The following FRMPD4 variants were observed in gnomAD, a reference collection of about 807,000 sequenced individuals.
FRMPD4 encodes the protein FERM and PDZ domain-containing protein 4.
Under a neutral mutation model 94.1 loss-of-function variants are expected in FRMPD4, and 22 were observed. That is an observed-to-expected ratio of 0.23 (90% confidence interval 0.17 to 0.33). The LOEUF (loss-of-function observed/expected upper bound fraction) is 0.33, where lower values mean the gene tolerates loss of function less well. Among genes scored for constraint, FRMPD4 ranks in the 10% least tolerant of loss-of-function variants. The pLI, the probability that FRMPD4 is intolerant of heterozygous loss-of-function variation, is 1.00. For missense variants in FRMPD4, 1,111 were observed against 1,339.9 expected (o/e 0.83, Z 2.67); for synonymous variants, 631 against 548.6 (o/e 1.15, Z -2.10).
At chrX:12,522,965 T>C (rs1253117951) in intron 2 of FRMPD4, among the ~76,000 whole-genome samples, 2 of 112,162 alleles carry the variant, frequency 1.8e-5, no homozygotes, top group East Asian at 2.8e-4. Context: ...TAAGCCCTCA[T>C]TGTGAGGCCC....
intron 1 of FRMPD4, among the ~76,000 whole-genome samples, chrX:12,285,235 A>C (rs1206764488): frequency 8.9e-6 from 1 of 111,885 alleles, no homozygotes; most frequent in African/African-American, 3.3e-5. Flanking sequence ...AAGGCCATTC[A>C]TGAAGTTAGA....
chrX:12,486,652 A>G (rs1213299259), intron 1 of FRMPD4, among the ~76,000 whole-genome samples: 1 of 112,662 alleles, frequency 8.9e-6, no homozygotes. Flanking sequence ...TCATTATTCC[A>G]TGATATAGAA....
chrX:12,173,782 C>T (rs772788762), intron 1 of FRMPD4, among the ~76,000 whole-genome samples: 43 of 111,353 alleles, frequency 3.9e-4, no homozygotes, highest in Middle Eastern at 4.6e-3. Flanking sequence ...TTGCTGACAG[C>T]CTGCTCTCCT....
intron 1 of FRMPD4, among the ~76,000 whole-genome samples, chrX:12,306,762 G>T (rs941239684): frequency 8.9e-6 from 1 of 112,163 alleles, no homozygotes; most frequent in Non-Finnish European, 1.9e-5. Context: ...AGTTTTCCAG[G>T]TAATTATTAT....
At chrX:11,961,831 C>T (rs1327992170) in intron 3 of FRMPD4, among the ~76,000 whole-genome samples, 2 of 111,751 alleles carry the variant, frequency 1.8e-5, no homozygotes. Flanking sequence ...GATTAGAGTA[C>T]TCCTTTTCAT....
chrX:12,306,693 A>G (rs67324212), intron 1 of FRMPD4, among the ~76,000 whole-genome samples: 17,843 of 111,629 alleles, frequency 0.16, 1,173 homozygotes, highest in Non-Finnish European at 0.2. Context: ...CCTTAAGAAC[A>G]TGGCACAAGT....
At chrX:12,233,160 G>A (rs1321388882) in intron 1 of FRMPD4, among the ~76,000 whole-genome samples, 2 of 111,572 alleles carry the variant, frequency 1.8e-5, no homozygotes, top group Admixed American at 1.9e-4. Context: ...ATTGACATGA[G>A]GATGTGACCC....
At chrX:12,561,897 T>A (rs1372677848) in intron 2 of FRMPD4, among the ~76,000 whole-genome samples, 2 of 112,359 alleles carry the variant, frequency 1.8e-5, no homozygotes, top group Non-Finnish European at 3.8e-5. Flanking sequence ...GACAATTAGA[T>A]GTTAGGCAGC....
intron 2 of FRMPD4, among the ~76,000 whole-genome samples, chrX:12,532,009 G>C (rs1226383221): frequency 8.9e-6 from 1 of 111,905 alleles, no homozygotes; most frequent in Non-Finnish European, 1.9e-5. Flanking sequence ...CAGAGGTAAA[G>C]GATCAAGCCC....
At chrX:12,364,591 T>A (rs2056046590) in intron 1 of FRMPD4, among the ~76,000 whole-genome samples, 1 of 110,616 alleles carries the variant, frequency 9.0e-6, no homozygotes, top group African/African-American at 3.3e-5. Flanking sequence ...AACTGTGCCC[T>A]CTGGAGGAAG....
chrX:12,660,269 T>A (rs2059700940), intron 4 of FRMPD4, among the ~76,000 whole-genome samples: 1 of 112,221 alleles, frequency 8.9e-6, no homozygotes, highest in South Asian at 3.7e-4. Flanking sequence ...ATTCAAATAT[T>A]TACTTGACAA....
At chrX:12,592,696 T>C (rs937951870) in intron 2 of FRMPD4, among the ~76,000 whole-genome samples, 1 of 112,100 alleles carries the variant, frequency 8.9e-6, no homozygotes, top group Admixed American at 9.4e-5. Context: ...ACATTCACAA[T>C]TGTTCCATAA....
chrX:12,349,952 A>G (rs1209156107), intron 1 of FRMPD4, among the ~76,000 whole-genome samples: 7 of 111,778 alleles, frequency 6.3e-5, no homozygotes, highest in Non-Finnish European at 9.4e-5. Flanking sequence ...AGTGGGGAAC[A>G]TAAAACATAA....
chrX:12,392,377 G>A lies in FRMPD4; in HGVS notation c.42-106303G>A, dbSNP rs1057395976. Among the ~76,000 whole-genome samples the A allele has an allele frequency of 7.5e-4, 78 of 104,641 alleles. 1 individual carries two copies. Among genetic ancestry groups the A allele is most frequent in the African/African-American group, 2.6e-3 (75 of 29,245 alleles). 90.9% of individuals were successfully genotyped at this position (104,641 alleles called of 115,157 possible). The stretch of plus-strand genomic sequence containing the variant: ...ATCTTAATTTAAATCTAGGCTGGGT[G>A]CGGTGGCTCACGCCTGTAATCCCAG... On this transcript the variant is annotated intron_variant, in intron 1 of 16. Coordinates refer to ENST00000675598, the MANE Select transcript of FRMPD4 (RefSeq NM_001368397.1).
At chrX:12,052,877 A>T (rs920744023) in intron 3 of FRMPD4, among the ~76,000 whole-genome samples, 19 of 111,956 alleles carry the variant, frequency 1.7e-4, no homozygotes, top group African/African-American at 5.8e-4. Context: ...GGCCGTATTT[A>T]AGGCCAAGAA....
At chrX:11,845,686 C>A (rs1483956295) in intron 1 of FRMPD4, among the ~76,000 whole-genome samples, 3 of 110,665 alleles carry the variant, frequency 2.7e-5, no homozygotes, top group Non-Finnish European at 5.7e-5. Context: ...CCACAATGAT[C>A]AAGTGGGCTT....
Position 12,064,363 on chromosome X carries a change from A to T in FRMPD4, c.95+186345A>T, listed in dbSNP as rs185777013. Among the ~76,000 whole-genome samples, 17 of 111,879 alleles carry T rather than the reference A, an allele frequency of 1.5e-4. No individual in the cohort carries two copies. In the East Asian group the frequency reaches 4.7e-3, roughly 31 times the overall value. On this transcript the variant is annotated intron_variant, in intron 3 of 18. Coordinates refer to the FRMPD4 transcript ENST00000640291. ...ACCAAATTTTGTGGCAGCAGGGGAA[A>T]ATTCATGAGAGAGTACCATATCCCT... is the stretch of plus-strand genomic sequence containing the variant.
chrX:12,526,000 T>C (rs1046284872), intron 2 of FRMPD4, among the ~76,000 whole-genome samples: 2 of 113,117 alleles, frequency 1.8e-5, no homozygotes, highest in Non-Finnish European at 3.7e-5. Context: ...AATTAATAAG[T>C]TGAAAGAGTT....
intron 1 of FRMPD4, among the ~76,000 whole-genome samples, chrX:12,386,052 T>G (rs1406199562): frequency 8.9e-6 from 1 of 112,392 alleles, no homozygotes; most frequent in African/African-American, 3.2e-5. Flanking sequence ...TTCATTGAAC[T>G]TGAAGATTTT....
Sources: allele counts gnomAD v4.1 joint callset (sites outside exome capture counted in the v4.1 genomes callset), GRCh38; gene constraint gnomAD v4.1.1; transcripts MANE v1.5; gene names NCBI Gene and HGNC (gene_info 2026-07-23, HGNC 2026-07-21).